Variants in GRID2 observed in about 807,000 individuals in gnomAD.
The protein encoded by GRID2 is glutamate receptor ionotropic, delta-2.
GRID2 carries 33 observed loss-of-function variants against 114.8 expected under a neutral mutation model. That is an observed-to-expected ratio of 0.29 (90% CI 0.22 to 0.38). The LOEUF (loss-of-function observed/expected upper bound fraction) is 0.38. Ranked by LOEUF, GRID2 falls within the 10% of genes least tolerant of loss-of-function variation. The probability of loss-of-function intolerance (pLI) is 1.00; values close to 1 mark genes in which losing one functional copy is unlikely to be tolerated. For missense variants in GRID2, 1,184 were observed against 1,257.7 expected (o/e 0.94, Z 0.89); for synonymous variants, 505 against 449.9 (o/e 1.12, Z -1.55).
At chr4:92,806,196 C>G (rs1740407147) in intron 2 of GRID2, among the ~76,000 whole-genome samples, 1 of 151,298 alleles carries the variant, frequency 6.6e-6, no homozygotes, top group Non-Finnish European at 1.5e-5. Flanking sequence ...CACACACACA[C>G]ACACACACAC....
chr4:93,173,122 A>G (rs1403398204), intron 4 of GRID2, among the ~76,000 whole-genome samples: 1 of 152,126 alleles, frequency 6.6e-6, no homozygotes. Context: ...ATTTTTATTT[A>G]TATGTATAAT....
intron 1 of GRID2, among the ~76,000 whole-genome samples, chr4:92,498,907 T>C (rs1723529988): frequency 7.6e-6 from 1 of 132,394 alleles, no homozygotes; most frequent in African/African-American, 2.9e-5. Context: ...ATGTAGGAAA[T>C]GAGACAAGAA....
chr4:93,607,255 T>C (rs1325015887), intron 13 of GRID2, among the ~76,000 whole-genome samples: 4 of 152,182 alleles, frequency 2.6e-5, no homozygotes, highest in Non-Finnish European at 4.4e-5. Context: ...CATATACTCA[T>C]GTATTTATAT....
chr4:92,941,654 T>C (rs918015667), intron 2 of GRID2, among the ~76,000 whole-genome samples: 2 of 152,200 alleles, frequency 1.3e-5, no homozygotes, highest in South Asian at 2.1e-4. Flanking sequence ...CTTTTAATTG[T>C]GATGTTGGGG....
At chr4:93,436,735 T>C (rs1235353097) in intron 10 of GRID2, among the ~76,000 whole-genome samples, 1 of 152,122 alleles carries the variant, frequency 6.6e-6, no homozygotes. Context: ...AGTGTAATGG[T>C]GACTTGTTTG....
intron 1 of GRID2, among the ~76,000 whole-genome samples, chr4:92,508,949 A>T (rs1186100827): frequency 6.6e-6 from 1 of 151,730 alleles, no homozygotes; most frequent in East Asian, 1.9e-4. Context: ...TGTATTACAT[A>T]AAAATAACTC....
At chr4:93,371,062 G>T (rs138690936) in intron 8 of GRID2, among the ~76,000 whole-genome samples, 1 of 152,208 alleles carries the variant, frequency 6.6e-6, no homozygotes, top group African/African-American at 2.4e-5. Context: ...GCATTGAATC[G>T]TTTATTCAGA....
At chr4:92,461,851 T>C (rs115252573) in intron 1 of GRID2, among the ~76,000 whole-genome samples, 1 of 152,124 alleles carries the variant, frequency 6.6e-6, no homozygotes, top group South Asian at 2.1e-4. Flanking sequence ...AATGCATAAG[T>C]AGTTTTCCTA....
chr4:92,486,213 G>A (rs1035393038), intron 1 of GRID2, among the ~76,000 whole-genome samples: 2 of 150,728 alleles, frequency 1.3e-5, no homozygotes, highest in African/African-American at 4.9e-5. Context: ...AAAAACTAAA[G>A]ATAGCTGACC....
At chr4:93,250,289 G>T (rs1163363338) in intron 8 of GRID2, among the ~76,000 whole-genome samples, 1 of 152,016 alleles carries the variant, frequency 6.6e-6, no homozygotes, top group Non-Finnish European at 1.5e-5. Context: ...AGTGGGAGTT[G>T]AACAATGAGA....
intron 6 of GRID2, among the ~76,000 whole-genome samples, chr4:93,220,482 C>G (rs1482403529): frequency 6.6e-6 from 1 of 152,052 alleles, no homozygotes; most frequent in Non-Finnish European, 1.5e-5. Flanking sequence ...CTCATTATTA[C>G]CTTTAAAAGT....
intron 14 of GRID2, among the ~76,000 whole-genome samples, chr4:93,751,190 TG>T (rs1732289953): frequency 1.3e-5 from 2 of 152,362 alleles, no homozygotes; most frequent in East Asian, 3.9e-4. Context: ...GAATTCTTCA[TG>T]TCTGTTAACA....
intron 2 of GRID2, among the ~76,000 whole-genome samples, chr4:92,796,595 T>C (rs1578203152): frequency 6.6e-6 from 1 of 151,894 alleles, no homozygotes; most frequent in African/African-American, 2.4e-5. Flanking sequence ...TTTCAGAATA[T>C]ATATATATTT....
Position 92,504,142 on chromosome 4 carries a change from T to C in GRID2, c.89-85989T>C, listed in dbSNP as rs1723831277. Among the ~76,000 whole-genome samples, 4 of 151,980 alleles carry C rather than the reference T, an allele frequency of 2.6e-5. 1 individual carries two copies. The South Asian group carries it at 8.3e-4, about 31-fold the overall frequency. ...TGTTGAGAAAGGATTTTTATAGAAA[T>C]TGGAAAAGTAATTTTGATGAATGAG... On this transcript the variant is annotated intron_variant, in intron 1 of 15. Transcript: ENST00000282020.
At chr4:93,004,574 CA>C (rs1030018504) in intron 2 of GRID2, among the ~76,000 whole-genome samples, 3 of 152,018 alleles carry the variant, frequency 2.0e-5, no homozygotes, top group African/African-American at 7.2e-5. Flanking sequence ...TTCCCAATAG[CA>C]GGCAAAAGTG....
At chr4:92,815,928 A>G (rs1364445069) in intron 2 of GRID2, among the ~76,000 whole-genome samples, 1 of 146,470 alleles carries the variant, frequency 6.8e-6, no homozygotes, top group East Asian at 1.9e-4. Flanking sequence ...AAAAAAAAAA[A>G]AAAAAAAAAA....
intron 2 of GRID2, among the ~76,000 whole-genome samples, chr4:92,662,918 T>A (rs1170393367): frequency 6.6e-6 from 1 of 151,130 alleles, no homozygotes; most frequent in East Asian, 1.9e-4. Context: ...AATTTTAAAC[T>A]GTCCTCTAAT....
chr4:93,705,653 T>G (rs1578619277), intron 14 of GRID2, among the ~76,000 whole-genome samples: 1 of 152,336 alleles, frequency 6.6e-6, no homozygotes, highest in East Asian at 1.9e-4. Flanking sequence ...CTTTGTTGAT[T>G]GTTTACTTTG....
chr4:93,469,460 A>T (rs1724597953), intron 11 of GRID2, among the ~76,000 whole-genome samples: 1 of 151,860 alleles, frequency 6.6e-6, no homozygotes, highest in African/African-American at 2.4e-5. Context: ...ATTTTTATTT[A>T]TTTAAAATGT....
Sources: allele counts gnomAD v4.1 joint callset (sites outside exome capture counted in the v4.1 genomes callset), GRCh38; gene constraint gnomAD v4.1.1; transcripts MANE v1.5; gene names NCBI Gene and HGNC (gene_info 2026-07-23, HGNC 2026-07-21).